The following ZFPM2 variants were observed in gnomAD, a reference collection of about 807,000 sequenced individuals.
ZFPM2 encodes zinc finger protein, FOG family member 2, also known as zinc finger protein ZFPM2.
A neutral mutation model predicts 98.6 loss-of-function variants in ZFPM2; 20 were observed. That is an observed-to-expected ratio of 0.20 (90% confidence interval 0.14 to 0.29). The LOEUF (loss-of-function observed/expected upper bound fraction) is 0.29, where lower values mean the gene tolerates loss of function less well. ZFPM2 is among the 10% of genes least tolerant of loss of function. The probability of loss-of-function intolerance (pLI) is 1.00; values close to 1 mark genes in which losing one functional copy is unlikely to be tolerated. For synonymous variants in ZFPM2, 518 were observed against 502.7 expected (o/e 1.03, Z -0.41); for missense variants, 1,310 against 1,388.6 (o/e 0.94, Z 0.90).
chr8:105,499,812 G>C (rs920936250), intron 3 of ZFPM2, among the ~76,000 whole-genome samples: 1 of 152,120 alleles, frequency 6.6e-6, no homozygotes, highest in Admixed American at 6.5e-5. Context: ...TTTTTGTAGG[G>C]GCAGAGGTGG....
At chr8:105,400,414 T>G (rs1811316437) in intron 1 of ZFPM2, among the ~76,000 whole-genome samples, 1 of 151,768 alleles carries the variant, frequency 6.6e-6, no homozygotes, top group Non-Finnish European at 1.5e-5. Context: ...CCCTCCCCAC[T>G]CCCCCTACCC....
Position 105,361,453 on chromosome 8 carries a change from C to A in ZFPM2, c.40+42472C>A, listed in dbSNP as rs543306176. ...TTCACTCTGATGGTAGTTTCTTTTG[C>A]TGTGCAGAAGCTCTTTAGTTTAATT... On this transcript the variant is annotated intron_variant, in intron 1 of 7. Transcript: ENST00000407775. 4.0e-5 allele frequency among the ~76,000 whole-genome samples: 6 copies of A among 150,958 alleles called. No individual in the cohort carries two copies. In the South Asian group the frequency reaches 1.3e-3, roughly 32 times the overall value.
intron 5 of ZFPM2, among the ~76,000 whole-genome samples, chr8:105,768,968 C>G (rs372208230): frequency 6.6e-6 from 1 of 151,928 alleles, no homozygotes; most frequent in Non-Finnish European, 1.5e-5. Context: ...TAAATACTTA[C>G]AATCTCATGA....
intron 4 of ZFPM2, among the ~76,000 whole-genome samples, chr8:105,564,917 A>ATG (rs1815212726): frequency 6.6e-6 from 1 of 152,182 alleles, no homozygotes. Flanking sequence ...GTACTATAAT[A>ATG]TGTATTTGAA....
chr8:105,585,701 A>C (rs1206408757), intron 4 of ZFPM2, among the ~76,000 whole-genome samples: 1 of 152,130 alleles, frequency 6.6e-6, no homozygotes, highest in Non-Finnish European at 1.5e-5. Flanking sequence ...AGTTATAAAT[A>C]GAGGAAATAT....
At chr8:105,396,220 G>A (rs993875050) in intron 1 of ZFPM2, among the ~76,000 whole-genome samples, 4 of 152,128 alleles carry the variant, frequency 2.6e-5, no homozygotes, top group Middle Eastern at 3.2e-3. Context: ...GAGGGGGGTG[G>A]CATTCACATA....
In ZFPM2 at chr8:105,637,694, G is replaced by A. The variant is rs116689013; in HGVS notation, c.532+3337G>A. Among the ~76,000 whole-genome samples the A allele has an allele frequency of 5.3e-3, 804 of 152,102 alleles. 5 individuals are homozygous for A. The highest frequency in any genetic ancestry group is 0.015 in the African/African-American group (635 of 41,532). On this transcript the variant is annotated intron_variant, in intron 5 of 7. Coordinates refer to ENST00000407775, the MANE Select transcript of ZFPM2 (RefSeq NM_012082.4). ...CTGGGATTTTACTAGGGATTGTTTG[G>A]ATCATGGAAAATATGATCCCGGGAG...
chr8:105,540,944 A>T (rs79717605), intron 3 of ZFPM2, among the ~76,000 whole-genome samples: 1 of 152,130 alleles, frequency 6.6e-6, no homozygotes, highest in East Asian at 1.9e-4. Context: ...TAAATTATGC[A>T]TAATTTTCAT....
chr8:105,487,364 T>C (rs552127311), intron 3 of ZFPM2, among the ~76,000 whole-genome samples: 1 of 152,226 alleles, frequency 6.6e-6, no homozygotes, highest in East Asian at 1.9e-4. Flanking sequence ...AGCTATCCTC[T>C]TGCCTCGGCC....
chr8:105,418,591 A>C (rs1334575022), intron 1 of ZFPM2: 2 of 518,658 alleles, frequency 3.9e-6, no homozygotes, highest in Non-Finnish European at 7.7e-6. Flanking sequence ...TTATGCTTTC[A>C]TCAGGGAGAG....
At chr8:105,541,829 T>A (rs920652835) in intron 3 of ZFPM2, among the ~76,000 whole-genome samples, 1 of 152,170 alleles carries the variant, frequency 6.6e-6, no homozygotes, top group Non-Finnish European at 1.5e-5. Flanking sequence ...TGCTTCAGTA[T>A]AACATCTGAA....
At chr8:105,795,354 C>T (rs763384730) in intron 6 of ZFPM2, among the ~76,000 whole-genome samples, 1 of 106,322 alleles carries the variant, frequency 9.4e-6, no homozygotes, top group Admixed American at 8.5e-5. Flanking sequence ...CTGAATGTCA[C>T]ACACACACAC....
chr8:105,433,545 T>C (rs1411023602), intron 2 of ZFPM2, among the ~76,000 whole-genome samples: 9 of 152,160 alleles, frequency 5.9e-5, no homozygotes, highest in Non-Finnish European at 1.5e-5. Context: ...CTCAGCACTT[T>C]GGGAGGCCGA....
intron 1 of ZFPM2, among the ~76,000 whole-genome samples, chr8:105,333,589 C>T (rs1156483366): frequency 6.6e-6 from 1 of 151,554 alleles, no homozygotes; most frequent in Non-Finnish European, 1.5e-5. Flanking sequence ...ACTGTTTGAC[C>T]CAGCAATTCT....
chr8:105,330,633 CAT>C (rs35450744), intron 1 of ZFPM2, among the ~76,000 whole-genome samples: 10,196 of 85,136 alleles, frequency 0.12, 707 homozygotes, highest in African/African-American at 0.23. Context: ...TATATATATA[CAT>C]ATATATATAT....
At chr8:105,478,972 A>T (rs1813064924) in intron 3 of ZFPM2, among the ~76,000 whole-genome samples, 1 of 152,166 alleles carries the variant, frequency 6.6e-6, no homozygotes, top group African/African-American at 2.4e-5. Flanking sequence ...ATGAATTTTT[A>T]TTTATTTTCT....
At chr8:105,376,217 C>T (rs528433954) in intron 1 of ZFPM2, among the ~76,000 whole-genome samples, 3 of 152,166 alleles carry the variant, frequency 2.0e-5, no homozygotes, top group Non-Finnish European at 2.9e-5. Context: ...GAAGCACGTT[C>T]TTCTCTTGAG....
chr8:105,559,944 A>T (rs1815093425), intron 3 of ZFPM2, among the ~76,000 whole-genome samples: 1 of 152,154 alleles, frequency 6.6e-6, no homozygotes, highest in African/African-American at 2.4e-5. Flanking sequence ...GCGGTGGCTC[A>T]CGCCTGTAAT....
chr8:105,644,317 G>A (rs1396617961), intron 5 of ZFPM2, among the ~76,000 whole-genome samples: 1 of 134,212 alleles, frequency 7.5e-6, no homozygotes, highest in African/African-American at 2.8e-5. Context: ...ACAGGGTTTT[G>A]CCATGTTGGC....
Sources: gnomAD v4.1 joint callset for allele counts (sites outside exome capture counted in the v4.1 genomes callset) on GRCh38, gnomAD v4.1.1 for gene constraint, MANE v1.5 for transcripts, NCBI Gene and HGNC (gene_info 2026-07-23, HGNC 2026-07-21) for gene names.